The following PTCHD4 variants were observed in gnomAD, a reference collection of about 807,000 sequenced individuals.
PTCHD4 encodes patched domain containing 4, also known as patched domain-containing protein 4.
Under a neutral mutation model 58.1 loss-of-function variants are expected in PTCHD4, and 33 were observed. The observed-to-expected ratio is 0.57, with a 90% CI of 0.43 to 0.76. The LOEUF (loss-of-function observed/expected upper bound fraction) is 0.76, where lower values mean the gene tolerates loss of function less well. Among genes scored for constraint, PTCHD4 ranks in the 30% least tolerant of loss-of-function variants. The pLI is 0.00. For synonymous variants in PTCHD4, 478 were observed against 409.6 expected (o/e 1.17, Z -2.02); for missense variants, 1,058 against 1,027.1 (o/e 1.03, Z -0.41).
intron 3 of PTCHD4, among the ~76,000 whole-genome samples, chr6:48,024,581 A>G (rs1763177897): frequency 6.6e-6 from 1 of 152,062 alleles, no homozygotes; most frequent in South Asian, 2.1e-4. Context: ...AACTGAGCTC[A>G]CAGAATTTAC....
chr6:47,912,652 C>A (rs1288442741), intron 4 of PTCHD4, among the ~76,000 whole-genome samples: 1 of 151,978 alleles, frequency 6.6e-6, no homozygotes, highest in East Asian at 1.9e-4. Flanking sequence ...GAATTAGTGA[C>A]ATTATTATTG....
intron 1 of PTCHD4, among the ~76,000 whole-genome samples, chr6:48,075,492 T>TTA (rs1765047340): frequency 6.6e-6 from 1 of 150,984 alleles, no homozygotes; most frequent in Non-Finnish European, 1.5e-5. Context: ...GCTTAACCAC[T>TTA]ATATCACCTT....
intron 4 of PTCHD4, among the ~76,000 whole-genome samples, chr6:47,958,181 A>G (rs1361019762): frequency 6.6e-6 from 1 of 152,180 alleles, no homozygotes; most frequent in African/African-American, 2.4e-5. Context: ...TTGAGGAAAT[A>G]TATGTATATT....
chr6:47,883,743 G>C (rs1764093368), intron 4 of PTCHD4, among the ~76,000 whole-genome samples: 1 of 152,062 alleles, frequency 6.6e-6, no homozygotes, highest in South Asian at 2.1e-4. Context: ...AGGATGTTTA[G>C]CACCATTCCA....
chr6:48,069,601 G>C lies in PTCHD4; in HGVS notation c.-644C>G, dbSNP rs1431164017. On this transcript the variant is annotated 5_prime_UTR_variant, in exon 2 of 5. Coordinates refer to ENST00000339488, the MANE Select transcript of PTCHD4 (RefSeq NM_001384253.1). ...CATCTATCCCTGGTGCGTTGGGACCGTCTGGATAGCTTCTTTCCTCTGATG... is the reference window on the plus strand; with the variant it reads ...CATCTATCCCTGGTGCGTTGGGACCCTCTGGATAGCTTCTTTCCTCTGATG... 2.0e-5 allele frequency among the ~76,000 whole-genome samples: 3 copies of C among 152,174 alleles called. No homozygotes were observed. The highest frequency in any genetic ancestry group is 2.0e-4 in the Admixed American group (3 of 15,276).
chr6:48,062,334 G>A (rs926153408), intron 3 of PTCHD4, among the ~76,000 whole-genome samples: 3 of 151,998 alleles, frequency 2.0e-5, no homozygotes. Flanking sequence ...GTATGTCTTT[G>A]AGTTCTACTC....
chr6:47,937,873 C>T (rs1048223611), intron 4 of PTCHD4, among the ~76,000 whole-genome samples: 2 of 152,160 alleles, frequency 1.3e-5, no homozygotes, highest in Non-Finnish European at 2.9e-5. Flanking sequence ...AATATTTTGG[C>T]TGGGCGGGTT....
At position 47,974,776 on chromosome 6, in the gene PTCHD4, C is replaced by T. The variant is rs375496115; in HGVS notation, c.898+33858G>A. Among the ~76,000 whole-genome samples, 172 of 152,274 alleles carry T rather than the reference C, an allele frequency of 1.1e-3. 1 individual carries two copies. In the South Asian group the frequency reaches 0.033, roughly 30 times the overall value. ...TGTTTAACATATGCTAATATTAACA[C>T]TGATTTTTATTTGCTGACCACAAAT... On this transcript the variant is annotated intron_variant, in intron 4 of 4. Coordinates refer to ENST00000339488, the MANE Select transcript of PTCHD4 (RefSeq NM_001384253.1).
intron 4 of PTCHD4, among the ~76,000 whole-genome samples, chr6:47,967,465 C>G (rs1767336519): frequency 6.6e-6 from 1 of 152,150 alleles, no homozygotes; most frequent in East Asian, 1.9e-4. Context: ...TTTAAAGTCA[C>G]CAGCAATATC....
intron 4 of PTCHD4, among the ~76,000 whole-genome samples, chr6:47,930,768 A>G (rs1265094407): frequency 6.6e-6 from 1 of 152,148 alleles, no homozygotes; most frequent in African/African-American, 2.4e-5. Flanking sequence ...GAAGTTATAC[A>G]TATGTACTCA....
At chr6:48,000,366 T>C (rs1460547920) in intron 4 of PTCHD4, among the ~76,000 whole-genome samples, 2 of 152,160 alleles carry the variant, frequency 1.3e-5, no homozygotes, top group African/African-American at 4.8e-5. Context: ...GTTTTCTGAT[T>C]AAATTCAACT....
At chr6:47,966,265 A>G (rs1767291046) in intron 4 of PTCHD4, among the ~76,000 whole-genome samples, 1 of 152,190 alleles carries the variant, frequency 6.6e-6, no homozygotes, top group African/African-American at 2.4e-5. Context: ...TTGCTTTTTC[A>G]GTGCATATAA....
At chr6:47,890,719 G>C (rs1177565268) in intron 4 of PTCHD4, among the ~76,000 whole-genome samples, 1 of 152,134 alleles carries the variant, frequency 6.6e-6, no homozygotes, top group Non-Finnish European at 1.5e-5. Context: ...TTTGTAAGGG[G>C]GGGGATTCCC....
chr6:48,064,340 A>C (rs781178438), intron 3 of PTCHD4, among the ~76,000 whole-genome samples: 24 of 152,138 alleles, frequency 1.6e-4, no homozygotes, highest in Admixed American at 4.6e-4. Flanking sequence ...GCCTACCTAA[A>C]AACAGGGAAA....
intron 3 of PTCHD4, among the ~76,000 whole-genome samples, chr6:48,024,020 C>G (rs952993267): frequency 6.6e-6 from 1 of 152,086 alleles, no homozygotes; most frequent in Non-Finnish European, 1.5e-5. Context: ...CTGCTGTGAC[C>G]TTGCAAAATT....
intron 4 of PTCHD4, among the ~76,000 whole-genome samples, chr6:47,953,991 T>C (rs1247601164): frequency 6.6e-6 from 1 of 152,210 alleles, no homozygotes; most frequent in Non-Finnish European, 1.5e-5. Flanking sequence ...TATTTTGACA[T>C]AATCTCTTCC....
At chr6:47,997,907 G>C (rs188507613) in intron 4 of PTCHD4, among the ~76,000 whole-genome samples, 2 of 152,064 alleles carry the variant, frequency 1.3e-5, no homozygotes, top group African/African-American at 4.8e-5. Flanking sequence ...TAGATCACTA[G>C]GTATGATAAT....
At chr6:47,951,743 A>G (rs977758761) in intron 4 of PTCHD4, among the ~76,000 whole-genome samples, 1 of 152,154 alleles carries the variant, frequency 6.6e-6, no homozygotes, top group Non-Finnish European at 1.5e-5. Flanking sequence ...ACAGAAGAAT[A>G]GAAGAGTATT....
At chr6:47,900,365 A>G (rs1391241231) in intron 4 of PTCHD4, 2 of 152,178 alleles carry the variant, frequency 1.3e-5, no homozygotes, top group African/African-American at 4.8e-5. Flanking sequence ...CATTTCTTTA[A>G]TAACTAATTA....
Sources: allele counts gnomAD v4.1 joint callset (sites outside exome capture counted in the v4.1 genomes callset), GRCh38; gene constraint gnomAD v4.1.1; transcripts MANE v1.5; gene names NCBI Gene and HGNC (gene_info 2026-07-23, HGNC 2026-07-21).